GRIA3: variants seen among roughly 807,000 people sequenced by gnomAD.
GRIA3 encodes glutamate ionotropic receptor AMPA type subunit 3, also known as glutamate receptor 3.
A neutral mutation model predicts 63.0 loss-of-function variants in GRIA3; 3 were observed. That is an observed-to-expected ratio of 0.05 (90% CI 0.02 to 0.12). The LOEUF is 0.12. Among genes scored for constraint, GRIA3 ranks in the 10% least tolerant of loss-of-function variants. The probability of loss-of-function intolerance (pLI) is 1.00; values close to 1 mark genes in which losing one functional copy is unlikely to be tolerated. For missense variants in GRIA3, 347 were observed against 700.9 expected (o/e 0.50, Z 5.70); for synonymous variants, 274 against 257.9 (o/e 1.06, Z -0.60).
intron 3 of GRIA3, among the ~76,000 whole-genome samples, chrX:123,308,395 G>A (rs1456687297): frequency 9.0e-6 from 1 of 111,706 alleles, no homozygotes; most frequent in Non-Finnish European, 1.9e-5. Flanking sequence ...AGCAAGTAGA[G>A]CATCTTTAGG....
intron 2 of GRIA3, among the ~76,000 whole-genome samples, chrX:123,189,299 G>A (rs1404469038): frequency 8.9e-6 from 1 of 112,335 alleles, no homozygotes; most frequent in African/African-American, 3.2e-5. Context: ...TATATATGAA[G>A]AGAGATGTAT....
chrX:123,444,546 C>A (rs1012549378), intron 12 of GRIA3, among the ~76,000 whole-genome samples: 1 of 111,258 alleles, frequency 9.0e-6, no homozygotes, highest in African/African-American at 3.3e-5. Flanking sequence ...AGGGGTCCAA[C>A]CTTCCCCACA....
chrX:123,402,791 T>C (rs775724592), intron 7 of GRIA3, among the ~76,000 whole-genome samples: 176 of 111,181 alleles, frequency 1.6e-3, no homozygotes, highest in African/African-American at 5.5e-3. Context: ...ACCTACTCAA[T>C]GCTTCAAAAC....
chrX:123,191,031 G>A (rs1927418897), intron 2 of GRIA3, among the ~76,000 whole-genome samples: 1 of 112,243 alleles, frequency 8.9e-6, no homozygotes, highest in Non-Finnish European at 1.9e-5. Context: ...TGATGGCATA[G>A]ATTTTAAGAC....
intron 7 of GRIA3, among the ~76,000 whole-genome samples, chrX:123,402,197 T>C (rs1389468337): frequency 4.5e-5 from 5 of 111,175 alleles, no homozygotes; most frequent in Non-Finnish European, 7.5e-5. Context: ...TCTTGTCTGT[T>C]ACCTGTCTGT....
At chrX:123,466,164 C>A (rs779084066) in intron 13 of GRIA3, among the ~76,000 whole-genome samples, 1 of 111,964 alleles carries the variant, frequency 8.9e-6, no homozygotes, top group Non-Finnish European at 1.9e-5. Flanking sequence ...GATCCATCTA[C>A]TGAAAAATCA....
chrX:123,407,497 G>T (rs2045480466), intron 10 of GRIA3, among the ~76,000 whole-genome samples: 1 of 110,619 alleles, frequency 9.0e-6, no homozygotes, highest in Admixed American at 9.6e-5. Context: ...GCCACTTTCA[G>T]GCTCATAGAT....
At chrX:123,419,805 G>A (rs758714477) in intron 11 of GRIA3, among the ~76,000 whole-genome samples, 1 of 111,382 alleles carries the variant, frequency 9.0e-6, no homozygotes, top group Non-Finnish European at 1.9e-5. Context: ...CTAGTCCTAG[G>A]CCTGCCAGGA....
At chrX:123,321,372 T>C (rs193005127) in intron 3 of GRIA3, among the ~76,000 whole-genome samples, 263 of 111,848 alleles carry the variant, frequency 2.4e-3, no homozygotes, top group Non-Finnish European at 1.3e-3. Flanking sequence ...TGGGGGACTG[T>C]TAAAAGACCC....
At chrX:123,360,059 T>C in intron 5 of GRIA3, among the ~76,000 whole-genome samples, 1 of 112,253 alleles carries the variant, frequency 8.9e-6, no homozygotes, top group East Asian at 2.8e-4. Flanking sequence ...TTTAATTTTC[T>C]CAGAACTTCT....
At chrX:123,268,863 C>G (rs1173993883) in intron 3 of GRIA3, among the ~76,000 whole-genome samples, 1 of 112,052 alleles carries the variant, frequency 8.9e-6, no homozygotes, top group Admixed American at 9.5e-5. Context: ...TACTTTGTAC[C>G]CTATCTTGCA....
At chrX:123,404,414 GA>G (rs1438998572) in intron 9 of GRIA3, among the ~76,000 whole-genome samples, 1 of 106,910 alleles carries the variant, frequency 9.4e-6, no homozygotes, top group Non-Finnish European at 1.9e-5. Context: ...CAAATTTGAT[GA>G]AATCAAAGAC....
intron 13 of GRIA3, among the ~76,000 whole-genome samples, chrX:123,475,277 G>C (rs911961614): frequency 7.1e-5 from 8 of 112,048 alleles, no homozygotes; most frequent in African/African-American, 2.3e-4. Flanking sequence ...ATAGAACAAA[G>C]AGTTGTAGTT....
chrX:123,438,017 C>A (rs1374083725), intron 12 of GRIA3, among the ~76,000 whole-genome samples: 1 of 111,535 alleles, frequency 9.0e-6, no homozygotes, highest in Non-Finnish European at 1.9e-5. Flanking sequence ...ACAAAACTTG[C>A]CATTTTAACC....
At chrX:123,280,393 G>GT (rs1445065985) in intron 3 of GRIA3, among the ~76,000 whole-genome samples, 5 of 112,084 alleles carry the variant, frequency 4.5e-5, no homozygotes, top group Non-Finnish European at 9.4e-5. Context: ...TATCAAACTG[G>GT]TTCTGTGGCG....
chrX:123,357,001 A>G (rs1182787816), intron 5 of GRIA3, among the ~76,000 whole-genome samples: 3 of 111,966 alleles, frequency 2.7e-5, no homozygotes, highest in Non-Finnish European at 5.6e-5. Flanking sequence ...ACCACAATAC[A>G]GGTCTATACC....
intron 12 of GRIA3, among the ~76,000 whole-genome samples, chrX:123,444,391 A>T (rs1389093452): frequency 1.8e-5 from 2 of 112,269 alleles, no homozygotes; most frequent in Non-Finnish European, 3.8e-5. Flanking sequence ...GGAGCCAGGA[A>T]ATTCCTGCCC....
In GRIA3 at chrX:123,314,751, A is replaced by G. The variant is rs2044820580; in HGVS notation, c.509-11275A>G. Among the ~76,000 whole-genome samples the G allele has an allele frequency of 2.7e-5, 3 of 112,290 alleles. No individual in the cohort carries two copies. In the South Asian group the frequency reaches 1.1e-3, roughly 41 times the overall value. On this transcript the variant is annotated intron_variant, in intron 3 of 15. Transcript: ENST00000620443. ...AGAAAAATGGAAAAGGCAGGATTAC[A>G]TGCATTGCCAGCTTCAGAGCCAAGG...
intron 2 of GRIA3, among the ~76,000 whole-genome samples, chrX:123,209,515 A>G (rs760599897): frequency 1.6e-4 from 18 of 111,711 alleles, no homozygotes; most frequent in African/African-American, 5.2e-4. Flanking sequence ...TACACAACTG[A>G]TTCTAGTACC....
Sources: allele counts gnomAD v4.1 joint callset (sites outside exome capture counted in the v4.1 genomes callset), GRCh38; gene constraint gnomAD v4.1.1; transcripts MANE v1.5; gene names NCBI Gene and HGNC (gene_info 2026-07-23, HGNC 2026-07-21).